Variants in GALK2 observed in about 807,000 individuals in gnomAD.
GALK2 encodes the protein galactokinase 2.
A neutral mutation model predicts 52.4 loss-of-function variants in GALK2; 36 were observed. The ratio of observed to expected loss-of-function variants is 0.69; its 90% confidence interval spans 0.53 to 0.91. GALK2 has a LOEUF of 0.91. Ranked by LOEUF, GALK2 falls within the 40% of genes least tolerant of loss-of-function variation. The pLI is 0.00. For synonymous variants in GALK2, 176 were observed against 199.1 expected (o/e 0.88, Z 0.98); for missense variants, 579 against 559.1 (o/e 1.04, Z -0.36).
Position 49,329,270 on chromosome 15 carries a change from G to C in GALK2, c.*1111G>C, listed in dbSNP as rs1197160115. 1 of 985,314 alleles carries C rather than the reference G, an allele frequency of 1.0e-6. No homozygotes were observed. The highest frequency in any genetic ancestry group is 1.7e-5 in the African/African-American group (1 of 57,224). 61.0% of individuals were successfully genotyped at this position (985,314 alleles called of 1,614,324 possible). A position where few individuals can be genotyped will look rare whatever the true frequency, so the allele number is the denominator to read the frequency against. ...CAAGAGTGGGCAGAAATGTTTGGCT[G>C]GTGATGGCAAATGACTGGCTTTCTC... On this transcript the variant is annotated 3_prime_UTR_variant, in exon 10 of 10. Coordinates refer to ENST00000560031, the MANE Select transcript of GALK2 (RefSeq NM_002044.4).
intron 5 of GALK2, among the ~76,000 whole-genome samples, chr15:49,277,714 T>C (rs2032056853): frequency 6.7e-6 from 1 of 150,186 alleles, no homozygotes; most frequent in Non-Finnish European, 1.5e-5. Context: ...GAGAATGGCG[T>C]GAACCCGGGA....
chr15:49,277,750 T>A (rs979189306), intron 5 of GALK2, among the ~76,000 whole-genome samples: 3 of 147,646 alleles, frequency 2.0e-5, no homozygotes, highest in Non-Finnish European at 4.5e-5. Flanking sequence ...GAGCCGAGAT[T>A]GAGCCACTGC....
intron 1 of GALK2, among the ~76,000 whole-genome samples, chr15:49,200,408 A>G (rs183116793): frequency 2.6e-5 from 4 of 152,328 alleles, no homozygotes; most frequent in East Asian, 1.9e-4. Flanking sequence ...AAACTGCAGA[A>G]TATGACCTTA....
chr15:49,279,934 C>T (rs962107992), intron 5 of GALK2, among the ~76,000 whole-genome samples: 2 of 152,184 alleles, frequency 1.3e-5, no homozygotes, highest in Non-Finnish European at 2.9e-5. Flanking sequence ...CCTCATGTCA[C>T]AAGACAAAAG....
At position 49,239,263 on chromosome 15, in the gene GALK2, G is replaced by A; in HGVS notation, c.400G>A (p.Val134Ile). 1.2e-6 allele frequency: 2 copies of A among 1,614,046 alleles called. No homozygotes were observed. Among genetic ancestry groups the A allele is most frequent in the South Asian group, 1.1e-5 (1 of 91,082 alleles). ...TAACCTGACTGGAATGAACTGCCTGGTAGATGGAAATATCCCACCAAGTTC... is the reference window on the plus strand; with the variant it reads ...TAACCTGACTGGAATGAACTGCCTGATAGATGGAAATATCCCACCAAGTTC... ...LSNLTGMNCL[V>I]DGNIPPSSGL... The change falls in exon 5 of 10, where the codon GTA becomes ATA. Residue 134 changes from valine (V) to isoleucine (I), a missense_variant. Val to Ile is a conservative substitution (Grantham distance 29, BLOSUM62 3). Coordinates refer to ENST00000560031, the MANE Select transcript of GALK2 (RefSeq NM_002044.4).
chr15:49,233,442 C>G (rs1204517019), intron 3 of GALK2, among the ~76,000 whole-genome samples: 1 of 152,196 alleles, frequency 6.6e-6, no homozygotes, highest in African/African-American at 2.4e-5. Flanking sequence ...CAAATTATAT[C>G]ACAGTTCTTT....
intron 7 of GALK2, among the ~76,000 whole-genome samples, chr15:49,284,315 A>C (rs2033096565): frequency 6.6e-6 from 1 of 152,196 alleles, no homozygotes; most frequent in Non-Finnish European, 1.5e-5. Flanking sequence ...ATACAAAGGG[A>C]CATAGGACAT....
intron 8 of GALK2, among the ~76,000 whole-genome samples, chr15:49,295,082 A>C (rs1280013481): frequency 6.6e-6 from 1 of 152,098 alleles, no homozygotes; most frequent in African/African-American, 2.4e-5. Context: ...CAACTGGTAG[A>C]TTCTCAAGAC....
At chr15:49,268,039 A>G (rs1308427880) in intron 5 of GALK2, among the ~76,000 whole-genome samples, 1 of 152,172 alleles carries the variant, frequency 6.6e-6, no homozygotes, top group Non-Finnish European at 1.5e-5. Context: ...GTCTCTGAAT[A>G]TGGTGGGTTA....
chr15:49,322,679 C>T (rs1264488501), intron 9 of GALK2, among the ~76,000 whole-genome samples: 5 of 152,080 alleles, frequency 3.3e-5, no homozygotes, highest in African/African-American at 7.2e-5. Context: ...TTTCTCTTGC[C>T]GGGCCCAATT....
At chr15:49,229,089 G>A (rs1381615810) in intron 3 of GALK2, among the ~76,000 whole-genome samples, 1 of 152,096 alleles carries the variant, frequency 6.6e-6, no homozygotes, top group African/African-American at 2.4e-5. Flanking sequence ...GAATTGTTTT[G>A]CTTCTTCCAA....
chr15:49,222,481 AG>A (rs2141409624), intron 3 of GALK2, among the ~76,000 whole-genome samples: 1 of 152,304 alleles, frequency 6.6e-6, no homozygotes, highest in African/African-American at 2.4e-5. Flanking sequence ...CAGGTTTTAC[AG>A]GAAAGGCTTC....
In GALK2 at chr15:49,239,340, C is replaced by T. The variant is rs141479055; in HGVS notation, c.477C>T (p.Leu159=). 2.2e-4 allele frequency: 359 copies of T among 1,613,948 alleles called. No homozygotes were observed. Among genetic ancestry groups the T allele is most frequent in the South Asian group, 4.2e-4 (38 of 91,076 alleles). Residue 159 remains leucine (L), a synonymous_variant, in exon 5 of 10, where the codon CTC becomes CTT. Coordinates refer to ENST00000560031, the MANE Select transcript of GALK2 (RefSeq NM_002044.4). ...ALVCCAGLVT[L]TVLGRNLSKV... ...TCTGTTGTGCTGGCTTGGTGACGCT[C>T]ACAGTGCTGGGAAGGAATCTATCCA...
intron 3 of GALK2, among the ~76,000 whole-genome samples, chr15:49,223,783 C>A (rs2089968520): frequency 1.3e-5 from 2 of 152,036 alleles, no homozygotes; most frequent in South Asian, 4.2e-4. Context: ...TTTATCCAGC[C>A]CACCATTGAT....
chr15:49,309,847 G>A (rs764152457), intron 8 of GALK2, among the ~76,000 whole-genome samples: 4 of 152,098 alleles, frequency 2.6e-5, no homozygotes, highest in African/African-American at 7.2e-5. Context: ...TCGAACTCCC[G>A]ACCTCAGGTG....
At chr15:49,229,433 G>T (rs944099215) in intron 3 of GALK2, among the ~76,000 whole-genome samples, 3 of 152,160 alleles carry the variant, frequency 2.0e-5, no homozygotes, top group Admixed American at 2.0e-4. Context: ...GTTGTTGGTG[G>T]CTGTATTAGG....
chr15:49,168,166 G>C (rs773396245), upstream of GALK2, among the ~76,000 whole-genome samples: 1 of 152,124 alleles, frequency 6.6e-6, no homozygotes, highest in Non-Finnish European at 1.5e-5. Flanking sequence ...AGTCTGCATC[G>C]GTTTTGTTGA....
chr15:49,248,827 C>T (rs2091468882), intron 5 of GALK2, among the ~76,000 whole-genome samples: 1 of 152,002 alleles, frequency 6.6e-6, no homozygotes, highest in African/African-American at 2.4e-5. Context: ...TACTTGTTTA[C>T]CTTTAGCGTA....
At chr15:49,359,825 A>G (rs1459269275) in intron 3 of GALK2, among the ~76,000 whole-genome samples, 6 of 139,388 alleles carry the variant, frequency 4.3e-5, no homozygotes, top group Middle Eastern at 3.5e-3. Context: ...AATAGCAAAG[A>G]CTTGGAACCA....
Sources: gnomAD v4.1 joint callset for allele counts (sites outside exome capture counted in the v4.1 genomes callset) on GRCh38, gnomAD v4.1.1 for gene constraint, MANE v1.5 for transcripts, NCBI Gene and HGNC (gene_info 2026-07-23, HGNC 2026-07-21) for gene names.